Variants in PGLYRP1 observed in about 807,000 individuals in gnomAD.
The protein encoded by PGLYRP1 is TNF superfamily, member 3 (LTB)-like (peptidoglycan recognition protein).
PGLYRP1 carries 18 observed loss-of-function variants against 16.3 expected under a neutral mutation model. That is an observed-to-expected ratio of 1.11 (90% CI 0.77 to 1.64). The LOEUF (loss-of-function observed/expected upper bound fraction) is 1.64, where lower values mean the gene tolerates loss of function less well. Ranked by LOEUF, PGLYRP1 falls within the 40% of genes most tolerant of loss-of-function variation. The pLI is 0.00. For missense variants in PGLYRP1, 261 were observed against 268.6 expected (o/e 0.97, Z 0.20); for synonymous variants, 89 against 105.7 (o/e 0.84, Z 0.97).
rs753696182 is a variant in PGLYRP1 at position 46,022,884 on chromosome 19, G to A, written c.138C>T (p.Cys46=). 29 of 1,612,900 alleles carry A rather than the reference G, an allele frequency of 1.8e-5. No individual in the cohort carries two copies. Among genetic ancestry groups the A allele is most frequent in the Middle Eastern group, 1.6e-4 (1 of 6,076 alleles). Residue 46 remains cysteine, a synonymous_variant, in exon 1 of 3, where the codon TGC becomes TGT. Transcript: ENST00000008938. ...GTAAGGGCAGGCTCAGGTGCTGGGC[G>A]CACTCTGATGCCAGGGCCTTCCACT... The part of the protein sequence containing the change: ...RNEWKALASE[C]AQHLSLPLRY...
Position 46,019,223 on chromosome 19 carries a change from C to A in PGLYRP1, c.*15G>T. ...GCCATGGGAGGGGAGGAATGGGGTG[C>A]GGATCAGCAGGGCCTCAGGGGGAGC... On this transcript the variant is annotated 3_prime_UTR_variant, in exon 3 of 3. Transcript: ENST00000008938. This position sits in a 1 kb window ranked among gnomAD's most constrained non-coding sequence, Gnocchi z 4.8. 1 of 1,610,950 alleles carries A rather than the reference C, an allele frequency of 6.2e-7. No individual in the cohort carries two copies. Among genetic ancestry groups the A allele is most frequent in the Non-Finnish European group, 8.5e-7 (1 of 1,177,760 alleles).
rs189112238 is a variant in PGLYRP1 at position 46,019,664 on chromosome 19, G to C, written c.288-17C>G. 11,075 of 1,610,018 alleles carry C rather than the reference G, an allele frequency of 6.9e-3. 34 individuals are homozygous for C. Among genetic ancestry groups the C allele is most frequent in the Non-Finnish European group, 8.2e-3 (9,684 of 1,179,108 alleles). On this transcript the variant is annotated splice_polypyrimidine_tract_variant and intron_variant, in intron 1 of 2. Coordinates refer to ENST00000008938, the MANE Select transcript of PGLYRP1 (RefSeq NM_005091.3). The surrounding 1 kb of genome is among the most constrained non-coding windows in gnomAD (Gnocchi z 4.8). ...ATCAGGAAGCTGCATGGGGAGGTGGGGGGGCTTGATGAGTGAGGGAGGGTT... is the reference window on the plus strand; with the variant it reads ...ATCAGGAAGCTGCATGGGGAGGTGGCGGGGCTTGATGAGTGAGGGAGGGTT...
chr19:46,022,435 A>G (rs1204359380), intron 1 of PGLYRP1, among the ~76,000 whole-genome samples: 1 of 152,240 alleles, frequency 6.6e-6, no homozygotes, highest in Admixed American at 6.5e-5. Context: ...GGGCGCCTTC[A>G]TAAGGCGTCG....
Position 46,022,719 on chromosome 19 carries a change from C to A in PGLYRP1, c.287+16G>T. 1 of 1,613,700 alleles carries A rather than the reference C, an allele frequency of 6.2e-7. No individual in the cohort carries two copies. The highest frequency in any genetic ancestry group is 1.1e-5 in the South Asian group (1 of 91,014). On this transcript the variant is annotated intron_variant, in intron 1 of 2. Coordinates refer to ENST00000008938, the MANE Select transcript of PGLYRP1 (RefSeq NM_005091.3). ...TGGGATCCCCAGTCCAGCCCGTGCC[C>A]CCCTGCCACACTCACTTGTAGCCCA... is the stretch of plus-strand genomic sequence containing the variant.
At position 46,019,492 on chromosome 19, in the gene PGLYRP1, A is replaced by T. The variant is rs747778061; in HGVS notation, c.409+34T>A. ...AAGTGATAGCGTAGGGCCCCGTGTC[A>T]GCCCCCATCCCAACTGGCTGGACAG... On this transcript the variant is annotated intron_variant, in intron 2 of 2. Coordinates refer to ENST00000008938, the MANE Select transcript of PGLYRP1 (RefSeq NM_005091.3). The surrounding 1 kb of genome is among the most constrained non-coding windows in gnomAD (Gnocchi z 4.8). 8.1e-6 allele frequency: 13 copies of T among 1,613,048 alleles called. No individual in the cohort carries two copies. The highest frequency in any genetic ancestry group is 1.1e-5 in the Non-Finnish European group (13 of 1,179,422).
At chr19:46,022,595 C>T in intron 1 of PGLYRP1, 140 bp downstream of exon 1, 1 of 906,136 alleles carries the variant, frequency 1.1e-6, no homozygotes, top group Non-Finnish European at 1.7e-6. Flanking sequence ...AAGAAATGAC[C>T]TTGTGAGGTT....
chr19:46,021,728 C>T (rs1969046334), intron 1 of PGLYRP1, among the ~76,000 whole-genome samples: 1 of 152,190 alleles, frequency 6.6e-6, no homozygotes. Context: ...CCTCCCATGG[C>T]TCCCATCTCG....
intron 1 of PGLYRP1, among the ~76,000 whole-genome samples, chr19:46,021,603 C>G (rs916711549): frequency 1.3e-5 from 2 of 152,044 alleles, no homozygotes; most frequent in Non-Finnish European, 2.9e-5. Flanking sequence ...GGCGTGGCCC[C>G]GGACCTGCTT....
At position 46,019,446 on chromosome 19, in the gene PGLYRP1, G is replaced by T; in HGVS notation, c.410-27C>A. 1.2e-6 allele frequency: 2 copies of T among 1,612,384 alleles called. No individual in the cohort carries two copies. Among genetic ancestry groups the T allele is most frequent in the South Asian group, 1.1e-5 (1 of 91,038 alleles). ...TGGAGGAGGCAGAGGTAGGAGTCAG[G>T]CAGGGGCTTCCCCGAAGGGGAAGTG... On this transcript the variant is annotated intron_variant, in intron 2 of 2. Transcript: ENST00000008938. This position sits in a 1 kb window ranked among gnomAD's most constrained non-coding sequence, Gnocchi z 4.8.
In PGLYRP1 at chr19:46,022,815, G is replaced by C; in HGVS notation, c.207C>G (p.Thr69=). 6.2e-7 allele frequency: 1 copy of C among 1,614,022 alleles called. No individual in the cohort carries two copies. The highest frequency in any genetic ancestry group is 8.5e-7 in the Non-Finnish European group (1 of 1,179,976). ...VSHTAGSSCN[T]PASCQQQARN... is the part of the protein sequence containing the mutation. ...GGGCCTGCTGCTGGCACGAGGCGGG[G>C]GTGTTGCAGCTGCTGCCCGCCGTGT... Residue 69 remains threonine (T), a synonymous_variant, in exon 1 of 3, where the codon ACC becomes ACG. Transcript: ENST00000008938.
chr19:46,022,944 G>GTCT lies in PGLYRP1; in HGVS notation c.75_77dup (p.Glu25dup), dbSNP rs1969062423. 6.2e-7 allele frequency: 1 copy of GTCT among 1,609,424 alleles called. No homozygotes were observed. The highest frequency in any genetic ancestry group is 1.3e-5 in the African/African-American group (1 of 74,898). ...GCACTATGGGGCTGCAGCAGGCCGG[G>GTCT]TCTTCTGTCTCCTGAGCCGCTCCGA... On this transcript the variant is annotated inframe_insertion, in exon 1 of 3. Transcript: ENST00000008938.
rs1173103089 is a variant in PGLYRP1 at position 46,019,259 on chromosome 19, C to T, written c.570G>A (p.Trp190Ter). The T allele has an allele frequency of 1.2e-6, 2 of 1,613,662 alleles. No individual in the cohort carries two copies. The highest frequency in any genetic ancestry group is 2.7e-5 in the African/African-American group (2 of 74,832). Residue 190 changes from tryptophan (W) to a stop codon, truncating the protein, a stop_gained, in exon 3 of 3, where the codon TGG (tryptophan) becomes TGA (stop). Transcript: ENST00000008938. LOFTEE classifies it high-confidence loss of function. The surrounding 1 kb of genome is among the most constrained non-coding windows in gnomAD (Gnocchi z 4.8). ...GNQLYHLIQN[W>*]PHYRSP ...GGCCTCAGGGGGAGCGGTAGTGTGG[C>T]CAATTCTGGATGAGGTGGTAGAGCT...
intron 1 of PGLYRP1, among the ~76,000 whole-genome samples, chr19:46,022,102 T>C (rs1969050688): frequency 6.6e-6 from 1 of 152,222 alleles, no homozygotes; most frequent in Non-Finnish European, 1.5e-5. Context: ...CTGCTGGTCT[T>C]TCAACCCCAG....
At chr19:46,022,602 G>A in intron 1 of PGLYRP1, 133 bp downstream of exon 1, 1 of 962,472 alleles carries the variant, frequency 1.0e-6, no homozygotes, top group South Asian at 1.6e-5. Context: ...GACCTTGTGA[G>A]GTTCAGTAAG....
At chr19:46,022,449 A>T (rs1969054749) in intron 1 of PGLYRP1, among the ~76,000 whole-genome samples, 1 of 152,240 alleles carries the variant, frequency 6.6e-6, no homozygotes, top group African/African-American at 2.4e-5. Context: ...GGCGTCGCGG[A>T]CACCTTGGTG....
intron 1 of PGLYRP1, among the ~76,000 whole-genome samples, 199 bp downstream of exon 1, chr19:46,022,536 G>A (rs1000590038): frequency 6.6e-6 from 1 of 152,264 alleles, no homozygotes; most frequent in Admixed American, 6.5e-5. Context: ...CCCTTCTCAC[G>A]CATCTTTGTG....
At chr19:46,020,219 GT>G (rs2146496474) in intron 1 of PGLYRP1, among the ~76,000 whole-genome samples, 1 of 150,422 alleles carries the variant, frequency 6.6e-6, no homozygotes, top group East Asian at 2.0e-4. Flanking sequence ...AGTGATTCTC[GT>G]GCCTCAGCCT....
rs377160294 is a variant in PGLYRP1, at chr19:46,019,660, G to A, written c.288-13C>T. The stretch of plus-strand genomic sequence containing the variant: ...TCCAATCAGGAAGCTGCATGGGGAG[G>A]TGGGGGGGCTTGATGAGTGAGGGAG... On this transcript the variant is annotated splice_polypyrimidine_tract_variant and intron_variant, in intron 1 of 2. Transcript: ENST00000008938. The surrounding 1 kb of genome is among the most constrained non-coding windows in gnomAD (Gnocchi z 4.8). 2.5e-6 allele frequency: 4 copies of A among 1,611,064 alleles called. No homozygotes were observed. Among genetic ancestry groups the A allele is most frequent in the Non-Finnish European group, 3.4e-6 (4 of 1,179,352 alleles).
chr19:46,019,768 C>G lies in PGLYRP1; in HGVS notation c.288-121G>C, dbSNP rs1329803154. On this transcript the variant is annotated intron_variant, in intron 1 of 2. Coordinates refer to ENST00000008938, the MANE Select transcript of PGLYRP1 (RefSeq NM_005091.3). The surrounding 1 kb of genome is among the most constrained non-coding windows in gnomAD (Gnocchi z 4.8). ...GTGGTGCACACAACTTCCCCAGCATCCTTCTCACCCGTTAATTTCCCACGA... is the reference window on the plus strand; with the variant it reads ...GTGGTGCACACAACTTCCCCAGCATGCTTCTCACCCGTTAATTTCCCACGA... 3 of 1,005,738 alleles carry G rather than the reference C, an allele frequency of 3.0e-6. No individual in the cohort carries two copies. The highest frequency in any genetic ancestry group is 4.3e-6 in the Non-Finnish European group (3 of 699,048). The allele number at this position is 1,005,738 out of a possible 1,614,324, so 62.3% of individuals were successfully genotyped here.
Sources: gnomAD v4.1 joint callset for allele counts (sites outside exome capture counted in the v4.1 genomes callset) on GRCh38, gnomAD v4.1.1 for gene constraint, Gnocchi (gnomAD v3.1) non-coding constraint, MANE v1.5 for transcripts, NCBI Gene and HGNC (gene_info 2026-07-23, HGNC 2026-07-21) for gene names.